The following UBAC2 variants were observed in gnomAD, a reference collection of about 807,000 sequenced individuals.
UBAC2 encodes the protein ubiquitin-associated domain-containing protein 2.
UBAC2 carries 26 observed loss-of-function variants against 44.0 expected under a neutral mutation model. That is an observed-to-expected ratio of 0.59 (90% CI 0.43 to 0.82). UBAC2 has a LOEUF of 0.82. Ranked by LOEUF, UBAC2 falls within the 40% of genes least tolerant of loss-of-function variation. The pLI is 0.00. For missense variants in UBAC2, 329 were observed against 419.4 expected (o/e 0.78, Z 1.88); for synonymous variants, 155 against 154.3 (o/e 1.00, Z -0.04).
rs2044919713 is a variant in UBAC2 at position 99,343,210 on chromosome 13, G to C, written c.807+2645G>C. Among the ~76,000 whole-genome samples, 3 of 152,210 alleles carry C rather than the reference G, an allele frequency of 2.0e-5. No homozygotes were observed. In the South Asian group the frequency reaches 6.2e-4, roughly 32 times the overall value. ...GGTAACTTGGTGGGTCTCCACTGCTGACCACATGCTCACTTTGTGGCCTAC... is the reference window on the plus strand; with the variant it reads ...GGTAACTTGGTGGGTCTCCACTGCTCACCACATGCTCACTTTGTGGCCTAC... On this transcript the variant is annotated intron_variant, in intron 7 of 8. Coordinates refer to ENST00000403766, the MANE Select transcript of UBAC2 (RefSeq NM_001144072.2).
rs1287477589 is a variant in UBAC2, at chr13:99,340,965, T to A, written c.807+400T>A. ...TGTAAAATTTCTTGATTTTCCTTGG[T>A]TGAAATGAAGAGAATATGAAGGCAA... On this transcript the variant is annotated intron_variant, in intron 7 of 8. Coordinates refer to ENST00000403766, the MANE Select transcript of UBAC2 (RefSeq NM_001144072.2). 2.0e-5 allele frequency among the ~76,000 whole-genome samples: 3 copies of A among 152,170 alleles called. No homozygotes were observed. In the East Asian group the frequency reaches 5.8e-4, roughly 29 times the overall value.
At chr13:99,258,815 A>T (rs2043613761) in intron 4 of UBAC2, among the ~76,000 whole-genome samples, 1 of 152,198 alleles carries the variant, frequency 6.6e-6, no homozygotes, top group Admixed American at 6.5e-5. Flanking sequence ...CTTAGTAGGT[A>T]CTCCTAAATG....
chr13:99,219,787 G>A (rs1312971079), intron 1 of UBAC2, among the ~76,000 whole-genome samples: 3 of 152,082 alleles, frequency 2.0e-5, no homozygotes, highest in Non-Finnish European at 2.9e-5. Flanking sequence ...TTTAAATTCT[G>A]GACATTTCAT....
At chr13:99,249,946 C>A (rs1174058380) in intron 4 of UBAC2, among the ~76,000 whole-genome samples, 1 of 152,118 alleles carries the variant, frequency 6.6e-6, no homozygotes, top group Admixed American at 6.5e-5. Flanking sequence ...AAGTTCCTTA[C>A]AGATTCTGGA....
At chr13:99,288,410 A>T (rs896505370) in intron 4 of UBAC2, among the ~76,000 whole-genome samples, 1 of 152,236 alleles carries the variant, frequency 6.6e-6, no homozygotes, top group Admixed American at 6.5e-5. Context: ...GTTAGCATGC[A>T]GATAGACAAC....
At chr13:99,373,285 G>T (rs1279101649) in intron 8 of UBAC2, among the ~76,000 whole-genome samples, 1 of 151,278 alleles carries the variant, frequency 6.6e-6, no homozygotes, top group Non-Finnish European at 1.5e-5. Flanking sequence ...AACCAAAGGG[G>T]GAAAAACTCA....
At chr13:99,260,432 A>G (rs1286007110) in intron 4 of UBAC2, among the ~76,000 whole-genome samples, 1 of 152,152 alleles carries the variant, frequency 6.6e-6, no homozygotes, top group South Asian at 2.1e-4. Flanking sequence ...GGAATGGATA[A>G]ATGTCTGGGC....
chr13:99,260,689 T>G (rs916785891), intron 4 of UBAC2, among the ~76,000 whole-genome samples: 18 of 152,180 alleles, frequency 1.2e-4, no homozygotes, highest in Non-Finnish European at 2.9e-5. Context: ...TAGACACAAG[T>G]TTCTTTAATA....
At chr13:99,346,500 T>C (rs2044983226) in intron 7 of UBAC2, among the ~76,000 whole-genome samples, 1 of 152,256 alleles carries the variant, frequency 6.6e-6, no homozygotes, top group Non-Finnish European at 1.5e-5. Context: ...AGGCCAGCCA[T>C]GCCTCACCGG....
intron 4 of UBAC2, among the ~76,000 whole-genome samples, chr13:99,250,011 G>T (rs1373687748): frequency 6.6e-6 from 1 of 152,128 alleles, no homozygotes; most frequent in African/African-American, 2.4e-5. Flanking sequence ...TTTATAGGTT[G>T]TTTGTTTACT....
At chr13:99,315,193 C>T (rs1290190473) in intron 5 of UBAC2, among the ~76,000 whole-genome samples, 7 of 152,200 alleles carry the variant, frequency 4.6e-5, no homozygotes, top group East Asian at 3.9e-4. Context: ...ACCCCCGTAC[C>T]GTTACACGCC....
intron 1 of UBAC2, chr13:99,231,406 A>ATTTTTTTTTTTTTTTTTTTTTTTT (rs34600991): frequency 1.4e-5 from 1 of 71,956 alleles, no homozygotes; most frequent in Non-Finnish European, 2.5e-5. Context: ...TGCTGTATAC[A>ATTTTTTTTTTTTTTTTTTTTTTTT]TTTTTTTTTT....
chr13:99,361,564 T>C (rs771555580), intron 7 of UBAC2, among the ~76,000 whole-genome samples: 13 of 152,238 alleles, frequency 8.5e-5, no homozygotes, highest in Non-Finnish European at 1.5e-4. Flanking sequence ...TGCATGTTTT[T>C]GTATCTTTAC....
rs114433536 is a variant in UBAC2 at position 99,324,095 on chromosome 13, T to C, written c.561+6026T>C. Reference sequence around the variant, plus strand: ...CACAATCCATTCCCAAACATCCACTTTCAGGATTCTGTATGATTGTGCAAA... The same window carrying C: ...CACAATCCATTCCCAAACATCCACTCTCAGGATTCTGTATGATTGTGCAAA... On this transcript the variant is annotated intron_variant, in intron 6 of 8. Coordinates refer to ENST00000403766, the MANE Select transcript of UBAC2 (RefSeq NM_001144072.2). 6.3e-3 allele frequency among the ~76,000 whole-genome samples: 959 copies of C among 152,312 alleles called. 7 individuals are homozygous for C. Among genetic ancestry groups the C allele is most frequent in the African/African-American group, 0.022 (930 of 41,548 alleles).
intron 4 of UBAC2, among the ~76,000 whole-genome samples, chr13:99,300,701 A>C (rs1223863485): frequency 1.3e-5 from 2 of 152,112 alleles, no homozygotes; most frequent in Non-Finnish European, 2.9e-5. Context: ...TTTGTATTAG[A>C]GGGTCTGGAA....
At chr13:99,376,447 T>C (rs1490293487) in intron 8 of UBAC2, among the ~76,000 whole-genome samples, 1 of 152,164 alleles carries the variant, frequency 6.6e-6, no homozygotes, top group East Asian at 1.9e-4. Flanking sequence ...TGGGGCACCC[T>C]GGACACCTCC....
intron 6 of UBAC2, among the ~76,000 whole-genome samples, chr13:99,321,340 G>A (rs943812576): frequency 1.3e-5 from 2 of 152,092 alleles, no homozygotes; most frequent in African/African-American, 2.4e-5. Context: ...AGACAGGCTC[G>A]CTGTGTCACT....
intron 4 of UBAC2, among the ~76,000 whole-genome samples, chr13:99,269,014 G>A (rs751191912): frequency 6.6e-6 from 1 of 152,178 alleles, no homozygotes; most frequent in Non-Finnish European, 1.5e-5. Context: ...TGAAGACCAC[G>A]GGGACATGCT....
At chr13:99,330,029 A>G (rs960728823) in intron 6 of UBAC2, among the ~76,000 whole-genome samples, 2 of 152,084 alleles carry the variant, frequency 1.3e-5, no homozygotes, top group Non-Finnish European at 2.9e-5. Context: ...CCCCTTTGCA[A>G]TTTTTAAATT....
Sources: allele counts gnomAD v4.1 joint callset (sites outside exome capture counted in the v4.1 genomes callset), GRCh38; gene constraint gnomAD v4.1.1; transcripts MANE v1.5; gene names NCBI Gene and HGNC (gene_info 2026-07-23, HGNC 2026-07-21).